Variants in NAV3 observed in about 807,000 individuals in gnomAD.
NAV3 encodes the protein neuron navigator 3, also known as pore membrane and/or filament interacting like protein 1.
Under a neutral mutation model 244.7 loss-of-function variants are expected in NAV3, and 87 were observed. That is an observed-to-expected ratio of 0.36 (90% CI 0.30 to 0.42). NAV3 has a LOEUF of 0.42. NAV3 is among the 20% of genes least tolerant of loss of function. The pLI, the probability that NAV3 is intolerant of heterozygous loss-of-function variation, is 1.00. For missense variants in NAV3, 2,663 were observed against 2,893.3 expected, an observed-to-expected ratio of 0.92 and a Z score of 1.83; for synonymous variants, 1,126 against 1,042.2, an observed-to-expected ratio of 1.08 and a Z score of -1.55.
At chr12:77,903,343 A>G (rs1885546239) in intron 1 of NAV3, among the ~76,000 whole-genome samples, 1 of 152,218 alleles carries the variant, frequency 6.6e-6, no homozygotes, top group African/African-American at 2.4e-5. Flanking sequence ...AATGCCGCAT[A>G]TCTACAACCA....
At chr12:78,098,446 G>A (rs189295289) in intron 12 of NAV3, among the ~76,000 whole-genome samples, 394 of 151,856 alleles carry the variant, frequency 2.6e-3, no homozygotes, top group Non-Finnish European at 4.9e-3. Context: ...CATATATTAA[G>A]ACTTGATAAG....
At chr12:78,032,194 A>G (rs1168219769) in intron 9 of NAV3, among the ~76,000 whole-genome samples, 1 of 152,190 alleles carries the variant, frequency 6.6e-6, no homozygotes, top group Non-Finnish European at 1.5e-5. Flanking sequence ...AGGATGTATG[A>G]CATGTAAAGA....
chr12:78,210,549 CTT>C lies in NAV3; in HGVS notation c.*35_*36del. On this transcript the variant is annotated 3_prime_UTR_variant, in exon 40 of 40. Coordinates refer to ENST00000397909, the MANE Select transcript of NAV3 (RefSeq NM_001024383.2). Reference sequence around the variant, plus strand: ...AAAAAAGTTAAGGGAAAAGACTTTGCTTTTAAAAAAATGTTTCAAAAGAAAGG... The same window carrying C: ...AAAAAAGTTAAGGGAAAAGACTTTGCTTAAAAAAATGTTTCAAAAGAAAGG... 6.3e-7 allele frequency: 1 copy of C among 1,599,746 alleles called. No homozygotes were observed. Among genetic ancestry groups the C allele is most frequent in the Non-Finnish European group, 8.5e-7 (1 of 1,175,010 alleles).
intron 30 of NAV3, 34 bp downstream of exon 30, chr12:78,181,079 C>T (rs1233852812): frequency 6.2e-7 from 1 of 1,601,010 alleles, no homozygotes; most frequent in Non-Finnish European, 8.5e-7. Context: ...TGAATCACAG[C>T]ATACCCATGA....
At chr12:77,855,045 T>C (rs957363108) in intron 1 of NAV3, among the ~76,000 whole-genome samples, 10 of 152,122 alleles carry the variant, frequency 6.6e-5, no homozygotes, top group African/African-American at 2.4e-4. Flanking sequence ...GAGAATGGCC[T>C]GAACCCAGGA....
At chr12:78,093,094 T>C (rs1954051415) in intron 12 of NAV3, among the ~76,000 whole-genome samples, 3 of 152,224 alleles carry the variant, frequency 2.0e-5, no homozygotes, top group African/African-American at 7.2e-5. Flanking sequence ...AGCAAATTCC[T>C]GAAGTATGAA....
chr12:78,009,445 C>CAAAAAAAA (rs35722033), intron 8 of NAV3, among the ~76,000 whole-genome samples: 20 of 69,884 alleles, frequency 2.9e-4, no homozygotes, highest in Non-Finnish European at 4.7e-4. Flanking sequence ...GAGGGAAACT[C>CAAAAAAAA]AAAAAAAAAA....
chr12:77,754,821 G>A (rs1015573509), intron 2 of NAV3, among the ~76,000 whole-genome samples: 1 of 152,102 alleles, frequency 6.6e-6, no homozygotes, highest in African/African-American at 2.4e-5. Flanking sequence ...TCTGCCTTGG[G>A]ATAGATGTGT....
chr12:77,870,757 G>C (rs76376877), intron 1 of NAV3, among the ~76,000 whole-genome samples: 3,396 of 152,226 alleles, frequency 0.022, 119 homozygotes, highest in African/African-American at 0.077. Flanking sequence ...TAATCCATGA[G>C]GATCATATAA....
At chr12:77,927,333 TA>T (rs1338182547) in intron 1 of NAV3, among the ~76,000 whole-genome samples, 3 of 152,206 alleles carry the variant, frequency 2.0e-5, no homozygotes, top group Non-Finnish European at 1.5e-5. Flanking sequence ...ACATAAGATG[TA>T]ACAGAAATAA....
intron 1 of NAV3, among the ~76,000 whole-genome samples, chr12:77,909,443 A>C (rs1190175832): frequency 6.6e-6 from 1 of 151,942 alleles, no homozygotes; most frequent in East Asian, 1.9e-4. Flanking sequence ...TAATTCCAAA[A>C]AAAAAGGGAA....
At chr12:78,122,755 C>A (rs1014493797) in intron 16 of NAV3, among the ~76,000 whole-genome samples, 5 of 152,092 alleles carry the variant, frequency 3.3e-5, no homozygotes, top group Non-Finnish European at 4.4e-5. Flanking sequence ...AGCTTCAGAA[C>A]AACACTAGCT....
At chr12:78,200,943 T>C (rs536096254) in intron 38 of NAV3, among the ~76,000 whole-genome samples, 2 of 151,974 alleles carry the variant, frequency 1.3e-5, no homozygotes, top group Admixed American at 1.3e-4. Flanking sequence ...TATATTCTTA[T>C]CACATAATTT....
chr12:77,968,461 T>C, intron 4 of NAV3, 58 bp from the exon 5 acceptor site: 1 of 1,326,688 alleles, frequency 7.5e-7, no homozygotes, highest in South Asian at 1.2e-5. Flanking sequence ...ATCTAGAATT[T>C]GTTAAAAAGG....
chr12:78,099,490 G>T (rs1954430376), intron 12 of NAV3, among the ~76,000 whole-genome samples: 1 of 151,682 alleles, frequency 6.6e-6, no homozygotes, highest in Non-Finnish European at 1.5e-5. Context: ...ATGTATTTCT[G>T]CACTGCCCAG....
intron 2 of NAV3, among the ~76,000 whole-genome samples, chr12:77,713,238 G>A (rs746066719): frequency 6.6e-6 from 1 of 152,286 alleles, no homozygotes; most frequent in Admixed American, 6.5e-5. Flanking sequence ...TGATGTATAT[G>A]TGTACTGGCT....
chr12:78,167,374 T>C (rs970972554), intron 23 of NAV3, among the ~76,000 whole-genome samples: 14 of 151,892 alleles, frequency 9.2e-5, no homozygotes, highest in African/African-American at 3.1e-4. Context: ...CATAAGCTAC[T>C]AAAAGTACAT....
chr12:78,007,470 A>C lies in NAV3; in HGVS notation c.1907+25A>C, dbSNP rs142373948. 4.1e-4 allele frequency: 658 copies of C among 1,597,346 alleles called. 1 individual carries two copies. In the African/African-American group the frequency reaches 7.7e-3, roughly 19 times the overall value. On this transcript the variant is annotated intron_variant, in intron 8 of 39. Coordinates refer to ENST00000397909, the MANE Select transcript of NAV3 (RefSeq NM_001024383.2). The stretch of plus-strand genomic sequence containing the variant: ...GGTAAGGTGGCCTCTGTTTATCCAC[A>C]GTTGTAAATATATTTACAGGCCTAC...
At chr12:78,006,197 C>A (rs537300792) in intron 7 of NAV3, among the ~76,000 whole-genome samples, 338 of 151,874 alleles carry the variant, frequency 2.2e-3, no homozygotes, top group Admixed American at 5.1e-3. Flanking sequence ...TAAACACGTC[C>A]CCCCACAGCC....
Sources: allele counts gnomAD v4.1 joint callset (sites outside exome capture counted in the v4.1 genomes callset), GRCh38; gene constraint gnomAD v4.1.1; transcripts MANE v1.5; gene names NCBI Gene and HGNC (gene_info 2026-07-23, HGNC 2026-07-21).